The following PCDHA4 variants were observed in gnomAD, a reference collection of about 807,000 sequenced individuals.
The protein encoded by PCDHA4 is protocadherin alpha-4.
In PCDHA4, 49 loss-of-function variants were observed where a neutral mutation model predicts 61.4. The observed-to-expected ratio is 0.80, with a 90% CI of 0.63 to 1.01. PCDHA4 has a LOEUF of 1.01. PCDHA4 is among the 50% of genes least tolerant of loss of function. The probability of loss-of-function intolerance (pLI) is 0.00; values close to 1 mark genes in which losing one functional copy is unlikely to be tolerated. For synonymous variants in PCDHA4, 590 were observed against 550.3 expected (o/e 1.07, Z -1.01); for missense variants, 1,254 against 1,235.8 (o/e 1.01, Z -0.22).
Position 140,842,861 on chromosome 5 carries a change from A to G in PCDHA4, c.2385+33289A>G, listed in dbSNP as rs2150346552. Reference sequence around the variant, plus strand: ...GAGCTACATTTCGGTGCACACGGAGAGCGGCAAGGTGTACGCGCTGCAGCC... The same window carrying G: ...GAGCTACATTTCGGTGCACACGGAGGGCGGCAAGGTGTACGCGCTGCAGCC... On this transcript the variant is annotated intron_variant, in intron 1 of 3. Coordinates refer to ENST00000530339, the MANE Select transcript of PCDHA4 (RefSeq NM_018907.4). 2.6e-5 allele frequency: 42 copies of G among 1,593,576 alleles called. 3 individuals are homozygous for G. In the South Asian group the frequency reaches 4.4e-4, roughly 17 times the overall value.
At chr5:140,848,730 C>A (rs2150418805) in intron 1 of PCDHA4, 1 of 1,592,792 alleles carries the variant, frequency 6.3e-7, no homozygotes, top group Non-Finnish European at 8.6e-7. Context: ...GGAGGTAAAT[C>A]TGCAGAATGG....
intron 1 of PCDHA4, chr5:140,853,856 G>T: frequency 1.0e-6 from 1 of 985,598 alleles, no homozygotes; most frequent in South Asian, 4.7e-5. Context: ...AGCCCTATTT[G>T]ATACTTGACA....
chr5:140,976,897 T>C (rs2096736712), intron 1 of PCDHA4, among the ~76,000 whole-genome samples: 1 of 152,220 alleles, frequency 6.6e-6, no homozygotes, highest in Admixed American at 6.5e-5. Flanking sequence ...CATGCAACAG[T>C]ATGTAATAAA....
At position 140,807,211 on chromosome 5, in the gene PCDHA4, C is replaced by T; in HGVS notation, c.24C>T (p.Gly8=). 6.2e-7 allele frequency: 1 copy of T among 1,613,892 alleles called. No homozygotes were observed. Among genetic ancestry groups the T allele is most frequent in the Non-Finnish European group, 8.5e-7 (1 of 1,179,852 alleles). Residue 8 remains glycine (G), a synonymous_variant, in exon 1 of 4, where the codon GGC becomes GGT. Transcript: ENST00000530339. ...AGATGGAGTTTTCCTGGGGAAGCGG[C>T]CAGGAATCCCGGCGTCTGCTGCTCT... The part of the protein sequence containing the change: MEFSWGS[G]QESRRLLLLL...
chr5:140,834,240 C>T (rs1209689880), intron 1 of PCDHA4: 2 of 806,998 alleles, frequency 2.5e-6, no homozygotes, highest in Non-Finnish European at 3.9e-6. Flanking sequence ...CATTCCTTTT[C>T]GCACTGGAAA....
intron 1 of PCDHA4, chr5:140,876,720 G>C (rs781797133): frequency 2.5e-6 from 4 of 1,614,264 alleles, no homozygotes; most frequent in Non-Finnish European, 3.4e-6. Flanking sequence ...TGGACCGCGA[G>C]AGCGTGTCGG....
chr5:140,994,658 T>C (rs2097643677), intron 3 of PCDHA4, among the ~76,000 whole-genome samples: 1 of 152,024 alleles, frequency 6.6e-6, no homozygotes, highest in African/African-American at 2.4e-5. Flanking sequence ...TGAGCTGAGA[T>C]CACACTACTG....
chr5:140,875,910 G>A, intron 1 of PCDHA4: 1 of 1,614,172 alleles, frequency 6.2e-7, no homozygotes, highest in South Asian at 1.1e-5. Context: ...CTGAATCTGC[G>A]CCTCTGGACT....
At chr5:140,988,963 G>A (rs1273293184) in intron 3 of PCDHA4, 2 of 152,140 alleles carry the variant, frequency 1.3e-5, no homozygotes, top group African/African-American at 4.8e-5. Flanking sequence ...CAAGCCCCAC[G>A]ATGGAGAGAA....
intron 1 of PCDHA4, chr5:140,841,104 A>C (rs1554138000): frequency 1.7e-6 from 1 of 585,830 alleles, no homozygotes; most frequent in African/African-American, 1.9e-5. Flanking sequence ...GATATTGCGG[A>C]AGTAATTCAT....
intron 1 of PCDHA4, among the ~76,000 whole-genome samples, chr5:140,893,926 C>G (rs1481035774): frequency 6.6e-6 from 1 of 152,180 alleles, no homozygotes; most frequent in Non-Finnish European, 1.5e-5. Context: ...TTTTCAGAAT[C>G]TCTACCTGTT....
chr5:141,006,002 G>T (rs185630910), intron 3 of PCDHA4, among the ~76,000 whole-genome samples: 1 of 151,740 alleles, frequency 6.6e-6, no homozygotes, highest in East Asian at 1.9e-4. Context: ...CTGAAAGAAG[G>T]CCTGTATGGT....
chr5:140,875,172 C>A (rs999085761), intron 1 of PCDHA4: 1 of 386,866 alleles, frequency 2.6e-6, no homozygotes. Context: ...AAAGTCGAAA[C>A]ATTAGAATTA....
At chr5:140,876,321 G>T (rs2153339560) in intron 1 of PCDHA4, 2 of 1,614,030 alleles carry the variant, frequency 1.2e-6, no homozygotes, top group East Asian at 2.2e-5. Context: ...GGATCAAAAT[G>T]ATTTTGCCAG....
At chr5:140,842,093 G>C (rs145495287) in intron 1 of PCDHA4, 1 of 1,613,850 alleles carries the variant, frequency 6.2e-7, no homozygotes, top group Non-Finnish European at 8.5e-7. Context: ...CGCAGACAAC[G>C]GAACAACAGT....
intron 1 of PCDHA4, chr5:140,928,708 T>C: frequency 1.2e-6 from 2 of 1,614,208 alleles, no homozygotes; most frequent in Non-Finnish European, 1.7e-6. Context: ...GGCGTCTGAC[T>C]CTAGTCTCTT....
chr5:140,858,397 C>A, intron 1 of PCDHA4: 1 of 1,573,182 alleles, frequency 6.4e-7, no homozygotes, highest in Non-Finnish European at 8.7e-7. Flanking sequence ...TAGATGTGGA[C>A]GGGGAAGATC....
chr5:140,870,344 G>C, intron 1 of PCDHA4: 1 of 1,614,196 alleles, frequency 6.2e-7, no homozygotes, highest in Non-Finnish European at 8.5e-7. Flanking sequence ...GCCCTGGACC[G>C]CGAGAACGTG....
intron 1 of PCDHA4, chr5:140,926,635 C>A: frequency 2.3e-6 from 1 of 442,720 alleles, no homozygotes; most frequent in Non-Finnish European, 3.8e-6. Context: ...CTGCGCTCCT[C>A]AACACCCGGC....
Sources: allele counts gnomAD v4.1 joint callset (sites outside exome capture counted in the v4.1 genomes callset), GRCh38; gene constraint gnomAD v4.1.1; transcripts MANE v1.5; gene names NCBI Gene and HGNC (gene_info 2026-07-23, HGNC 2026-07-21).